The following MAN2B1 variants were observed in gnomAD, a reference collection of about 807,000 sequenced individuals.
MAN2B1 encodes lysosomal alpha-mannosidase.
In MAN2B1, 99 loss-of-function variants were observed where a neutral mutation model predicts 127.5. That is an observed-to-expected ratio of 0.78 (90% CI 0.66 to 0.92). The LOEUF (loss-of-function observed/expected upper bound fraction) is 0.92, where lower values mean the gene tolerates loss of function less well. Among genes scored for constraint, MAN2B1 ranks in the 40% least tolerant of loss-of-function variants. MAN2B1 has a pLI of 0.00. For missense variants in MAN2B1, 1,304 were observed against 1,384.8 expected (o/e 0.94, Z 0.93); for synonymous variants, 573 against 568.8 (o/e 1.01, Z -0.11).
chr19:12,661,145 G>A (rs772340441), intron 7 of MAN2B1, 115 bp downstream of exon 7: 69 of 785,478 alleles, frequency 8.8e-5, no homozygotes, highest in Non-Finnish European at 1.3e-4. Context: ...GTTATAGAAT[G>A]ACCACAATAG....
In MAN2B1 at chr19:12,647,552, G is replaced by A. The variant is rs762745066; in HGVS notation, c.2711C>T (p.Thr904Met). 13 of 1,614,040 alleles carry A rather than the reference G, an allele frequency of 8.1e-6. No homozygotes were observed. The highest frequency in any genetic ancestry group is 2.7e-5 in the African/African-American group (2 of 74,936). ...CATTTCGGGGCCCCAGCTGGCCAGCGTGAGCAGGTGCACCGAGGGCGGCAG... is the reference window on the plus strand; with the variant it reads ...CATTTCGGGGCCCCAGCTGGCCAGCATGAGCAGGTGCACCGAGGGCGGCAG... ...RDLPPSVHLL[T>M]LASWGPEMVL... The change falls in exon 22 of 24, where the codon ACG (threonine) becomes ATG (methionine). Residue 904 changes from threonine to methionine, a missense_variant. Transcript: ENST00000456935. The surrounding 1 kb of genome is among the most constrained non-coding windows in gnomAD (Gnocchi z 4.9).
Position 12,647,085 on chromosome 19 carries a change from T to G in MAN2B1, c.2923+148A>C. ...GGTTTGCCGCACCCATTTCAGATCC[T>G]TTAAGCCCCTAACCTGGGTCTGGAC... On this transcript the variant is annotated intron_variant, in intron 23 of 23. Coordinates refer to ENST00000456935, the MANE Select transcript of MAN2B1 (RefSeq NM_000528.4). This position sits in a 1 kb window ranked among gnomAD's most constrained non-coding sequence, Gnocchi z 4.9. 1 of 748,516 alleles carries G rather than the reference T, an allele frequency of 1.3e-6. No individual in the cohort carries two copies. The highest frequency in any genetic ancestry group is 1.6e-5 in the South Asian group (1 of 62,380). The allele number at this position is 748,516 out of a possible 1,614,324, so 46.4% of individuals were successfully genotyped here. A position where few individuals can be genotyped will look rare whatever the true frequency, so the allele number is the denominator to read the frequency against.
chr19:12,659,859 TAAATAA>T (rs768410646), intron 7 of MAN2B1, among the ~76,000 whole-genome samples: 5 of 151,364 alleles, frequency 3.3e-5, no homozygotes, highest in Non-Finnish European at 5.9e-5. Flanking sequence ...AAAGAAAAAA[TAAATAA>T]AAATAAATGA....
rs567810171 is a variant in MAN2B1 at position 12,647,477 on chromosome 19, C to T, written c.2786G>A (p.Arg929His). The change falls in exon 22 of 24, where the codon CGT becomes CAT. Residue 929 changes from arginine (R) to histidine (H), a missense_variant. Transcript: ENST00000456935. The surrounding 1 kb of genome is among the most constrained non-coding windows in gnomAD (Gnocchi z 4.9). ...CAAGGTAACGGGGGCGCTCAGGTTA[C>T]GTCCGGAATCCTCTCCTACGGCAAA... ...HQFAVGEDSG[R>H]NLSAPVTLNL... 8.1e-6 allele frequency: 13 copies of T among 1,614,240 alleles called. No homozygotes were observed. Among genetic ancestry groups the T allele is most frequent in the South Asian group, 6.6e-5 (6 of 91,086 alleles).
chr19:12,664,819 A>G lies in MAN2B1; in HGVS notation c.603T>C (p.Ser201=). 1 of 1,613,722 alleles carries G rather than the reference A, an allele frequency of 6.2e-7. No individual in the cohort carries two copies. The highest frequency in any genetic ancestry group is 1.1e-5 in the South Asian group (1 of 91,032). ...GCGCAAACAGCGAGGCCTGCTCCCG[A>G]GAGTGGCCGAAGGGGTCAATGTGCC... ...VAWHIDPFGH[S]REQASLFAQM... The change falls in exon 4 of 24, where the codon TCT becomes TCC. Residue 201 remains serine (S), a synonymous_variant. Coordinates refer to ENST00000456935, the MANE Select transcript of MAN2B1 (RefSeq NM_000528.4).
chr19:12,649,714 C>T (rs2023795435), intron 18 of MAN2B1, among the ~76,000 whole-genome samples, 199 bp downstream of exon 18: 1 of 151,806 alleles, frequency 6.6e-6, no homozygotes, highest in South Asian at 2.1e-4. Flanking sequence ...GATCTCCTGA[C>T]CTTGTGATCT....
At position 12,647,683 on chromosome 19, in the gene MAN2B1, G is replaced by A; in HGVS notation, c.2665-85C>T. ...GGGCCGAGCCAGGTCAGGAGGCAGG[G>A]CTAGGTTGTAGGGGCGGGGTTTCGC... On this transcript the variant is annotated intron_variant, in intron 21 of 23. Transcript: ENST00000456935. This position sits in a 1 kb window ranked among gnomAD's most constrained non-coding sequence, Gnocchi z 4.9. The A allele has an allele frequency of 8.1e-7, 1 of 1,241,556 alleles. No homozygotes were observed. Among genetic ancestry groups the A allele is most frequent in the Non-Finnish European group, 1.1e-6 (1 of 890,522 alleles). 76.9% of individuals were successfully genotyped at this position (1,241,556 alleles called of 1,614,324 possible).
chr19:12,658,021 C>A, intron 10 of MAN2B1, 42 bp downstream of exon 10: 7 of 1,385,234 alleles, frequency 5.1e-6, no homozygotes, highest in Non-Finnish European at 7.1e-6. Flanking sequence ...TGGTTTCCAA[C>A]TTCAGCCGCA....
chr19:12,646,761 G>A (rs926571642), intron 23 of MAN2B1, 29 bp from the exon 24 acceptor site: 1 of 1,516,788 alleles, frequency 6.6e-7, no homozygotes. Context: ...AAGGAGGAGT[G>A]AGGAGGTGCA....
intron 7 of MAN2B1, 85 bp downstream of exon 7, chr19:12,661,175 A>G: frequency 1.1e-6 from 1 of 888,890 alleles, no homozygotes; most frequent in Non-Finnish European, 1.9e-6. Flanking sequence ...AAACAAAGAC[A>G]GCACTGAGAG....
chr19:12,661,503 A>G, intron 6 of MAN2B1, 127 bp from the exon 7 acceptor site: 2 of 750,148 alleles, frequency 2.7e-6, no homozygotes, highest in Non-Finnish European at 5.0e-6. Context: ...GGCACTTGGG[A>G]GCGTGGGGAC....
At chr19:12,657,316 C>G in intron 11 of MAN2B1, 130 bp downstream of exon 11, 1 of 852,836 alleles carries the variant, frequency 1.2e-6, no homozygotes, top group East Asian at 2.6e-5. Context: ...GCCCCGCCCC[C>G]ACGAGCCCTT....
At position 12,665,016 on chromosome 19, in the gene MAN2B1, C is replaced by T. The variant is rs369525991; in HGVS notation, c.437-31G>A. On this transcript the variant is annotated intron_variant, in intron 3 of 23. Transcript: ENST00000456935. ...CCAGGACAGGCAAGGTCAGGGTCAG[C>T]GGTCAGAGCCAGGAGTGGGAGTAGG... 13 of 1,600,958 alleles carry T rather than the reference C, an allele frequency of 8.1e-6. No individual in the cohort carries two copies. The African/African-American group carries it at 1.3e-4, about 16-fold the overall frequency.
In MAN2B1 at chr19:12,658,430, G is replaced by A. The variant is rs1301328662; in HGVS notation, c.1107C>T (p.Thr369=). ...AGCTCCCCAGTTTCCCCAAATACCA[G>A]GTGAGGTTGGCCTTGTTCAGCTCCC... ...YLWELNKANL[T]WSVKHDDFFP... Residue 369 remains threonine (T), a splice_region_variant and synonymous_variant, in exon 8 of 24, where the codon ACC becomes ACT. Coordinates refer to ENST00000456935, the MANE Select transcript of MAN2B1 (RefSeq NM_000528.4). 6.2e-7 allele frequency: 1 copy of A among 1,614,214 alleles called. No individual in the cohort carries two copies.
intron 13 of MAN2B1, 82 bp from the exon 14 acceptor site, chr19:12,655,961 GAA>G (rs1406970433): frequency 7.8e-6 from 9 of 1,150,396 alleles, no homozygotes; most frequent in South Asian, 3.7e-5. Flanking sequence ...CTCAAGGAAG[GAA>G]AAGAGTCCTG....
intron 10 of MAN2B1, 34 bp from the exon 11 acceptor site, chr19:12,657,589 T>C: frequency 6.6e-7 from 1 of 1,523,690 alleles, no homozygotes; most frequent in Non-Finnish European, 8.9e-7. Context: ...TGAGGTTCTG[T>C]GGGACTCAGC....
In MAN2B1 at chr19:12,646,798, C is replaced by T. The variant is rs752213919; in HGVS notation, c.2924-66G>A. ...ACTTCCTCTGACTCACCCCACGATG[C>T]TTCCTCCCCTGGGTCTAGACACAGC... On this transcript the variant is annotated intron_variant, in intron 23 of 23. Transcript: ENST00000456935. 5.9e-4 allele frequency: 674 copies of T among 1,136,838 alleles called. 1 individual carries two copies. Among genetic ancestry groups the T allele is most frequent in the Middle Eastern group, 3.0e-3 (14 of 4,684 alleles). 70.4% of individuals were successfully genotyped at this position (1,136,838 alleles called of 1,614,324 possible).
At chr19:12,665,121 T>C in intron 3 of MAN2B1, 136 bp from the exon 4 acceptor site, 3 of 1,048,814 alleles carry the variant, frequency 2.9e-6, no homozygotes, top group Non-Finnish European at 4.3e-6. Flanking sequence ...TCCCAGGCCA[T>C]AGTTCCCAGA....
chr19:12,649,211 T>C lies in MAN2B1; in HGVS notation c.2361A>G (p.Gly787=), dbSNP rs955076933. 1.9e-6 allele frequency: 3 copies of C among 1,613,488 alleles called. No homozygotes were observed. The highest frequency in any genetic ancestry group is 2.7e-5 in the African/African-American group (2 of 74,882). The part of the protein sequence containing the change: ...PVNTRIYITD[G]NMQLTVLTDR... The stretch of plus-strand genomic sequence containing the variant: ...CAGTCAGCACAGTCAGCTGCATGTT[T>C]CCATCCTGGGAGTTGAAGGGTGAAA... Residue 787 remains glycine (G), a synonymous_variant, in exon 20 of 24, where the codon GGA becomes GGG. Transcript: ENST00000456935.
Sources: gnomAD v4.1 joint callset for allele counts (sites outside exome capture counted in the v4.1 genomes callset) on GRCh38, gnomAD v4.1.1 for gene constraint, Gnocchi (gnomAD v3.1) non-coding constraint, MANE v1.5 for transcripts, NCBI Gene and HGNC (gene_info 2026-07-23, HGNC 2026-07-21) for gene names.